SLC9A3: variants seen among roughly 807,000 people sequenced by gnomAD.
SLC9A3 encodes the protein solute carrier family 9 member A3.
In SLC9A3, 37 loss-of-function variants were observed where a neutral mutation model predicts 86.8. The ratio of observed to expected loss-of-function variants is 0.43; its 90% confidence interval spans 0.33 to 0.56. SLC9A3 has a LOEUF of 0.56. Ranked by LOEUF, SLC9A3 falls within the 20% of genes least tolerant of loss-of-function variation. The probability of loss-of-function intolerance (pLI) is 0.06; values close to 1 mark genes in which losing one functional copy is unlikely to be tolerated. For missense variants in SLC9A3, 1,011 were observed against 1,171.9 expected (o/e 0.86, Z 2.00); for synonymous variants, 581 against 528.3 (o/e 1.10, Z -1.37).
intron 1 of SLC9A3, among the ~76,000 whole-genome samples, chr5:504,243 C>T (rs1383964824): frequency 2.6e-5 from 4 of 152,154 alleles, no homozygotes; most frequent in African/African-American, 9.7e-5. Context: ...CTCCGGAACC[C>T]CCGGGAACCC....
At chr5:498,225 C>T (rs572844411) in intron 1 of SLC9A3, among the ~76,000 whole-genome samples, 1 of 152,314 alleles carries the variant, frequency 6.6e-6, no homozygotes, top group East Asian at 1.9e-4. Flanking sequence ...TGAACGTCCT[C>T]ACGATGAACG....
In SLC9A3 at chr5:473,369, G is replaced by A; in HGVS notation, c.*10C>T. ...ACGAGCGGCCGGTTAGCGGCGTGTC[G>A]GAGCCGGTGTCACCTGCGGGAGAGG... On this transcript the variant is annotated 3_prime_UTR_variant, in exon 17 of 17. Transcript: ENST00000264938. 1 of 1,418,092 alleles carries A rather than the reference G, an allele frequency of 7.1e-7. No individual in the cohort carries two copies. The highest frequency in any genetic ancestry group is 1.4e-5 in the South Asian group (1 of 69,436). 87.8% of individuals were successfully genotyped at this position (1,418,092 alleles called of 1,614,324 possible).
rs558562725 is a variant in SLC9A3 at position 476,334 on chromosome 5, G to C, written c.1935C>G (p.Asp645Glu). 3 of 1,613,910 alleles carry C rather than the reference G, an allele frequency of 1.9e-6. No homozygotes were observed. The South Asian group carries it at 3.3e-5, about 18-fold the overall frequency. Residue 645 changes from aspartate (D) to glutamate (E), a missense_variant, in exon 13 of 17, where the codon GAC becomes GAG. Asp to Glu is a conservative substitution (Grantham distance 45, BLOSUM62 2). Coordinates refer to ENST00000264938, the MANE Select transcript of SLC9A3 (RefSeq NM_004174.4). ...GGAAGATTTCCCGGTCCTGTTTCTC[G>C]TCCTCCGTGGGCGTGAGCTCGTGTC... ...YSRHELTPTE[D>E]EKQDREIFHR...
Position 475,627 on chromosome 5 carries a change from C to T in SLC9A3, c.2185G>A (p.Glu729Lys), listed in dbSNP as rs779653363. 1 of 1,552,206 alleles carries T rather than the reference C, an allele frequency of 6.4e-7. No homozygotes were observed. Among genetic ancestry groups the T allele is most frequent in the South Asian group, 1.2e-5 (1 of 84,108 alleles). Residue 729 changes from glutamate to lysine, a missense_variant, in exon 15 of 17, where the codon GAG becomes AAG. By Grantham distance (56) the Glu-to-Lys change is moderately conservative. Transcript: ENST00000264938. The part of the protein sequence containing the change: ...DTEEPPNYDE[E>K]MSGGIEFLAS... ...AGGAACTCGATCCCCCCACTCATCT[C>T]CTCATCATAGTTGGGGGGCTCCTCG...
At chr5:478,816 G>T in intron 10 of SLC9A3, 1 of 154,954 alleles carries the variant, frequency 6.5e-6, no homozygotes, top group Middle Eastern at 5.2e-4. Flanking sequence ...CTGTGGTTTG[G>T]GGGTTTGTGT....
In SLC9A3 at chr5:471,032, C is replaced by T. The variant is rs955497390; in HGVS notation, c.*2347G>A. ...CCACAGCCCCGGCGCGCTCCGTCAC[C>T]TGGTAGGGAGCAGCCTGGGCTGCCG... On this transcript the variant is annotated 3_prime_UTR_variant, in exon 17 of 17. Transcript: ENST00000264938. 11 of 152,506 alleles carry T rather than the reference C, an allele frequency of 7.2e-5. No individual in the cohort carries two copies. The highest frequency in any genetic ancestry group is 2.7e-4 in the African/African-American group (11 of 41,466). The allele number at this position is 152,506 out of a possible 1,614,324, so 9.4% of individuals were successfully genotyped here.
intron 3 of SLC9A3, among the ~76,000 whole-genome samples, chr5:485,473 C>T (rs893137641): frequency 2.6e-5 from 4 of 152,256 alleles, no homozygotes; most frequent in African/African-American, 7.2e-5. Flanking sequence ...AAGCTGGCCT[C>T]TTCCTATCCT....
chr5:472,043 C>G lies in SLC9A3; in HGVS notation c.*1336G>C, dbSNP rs1738385010. ...TAGAAAAGCCCCTAGGAGTGTCCAC[C>G]TCCACCACTTCCACCGTGCAGGCAG... is the stretch of plus-strand genomic sequence containing the variant. On this transcript the variant is annotated 3_prime_UTR_variant, in exon 17 of 17. Transcript: ENST00000264938. 2.2e-6 allele frequency: 1 copy of G among 455,288 alleles called. No individual in the cohort carries two copies. The allele number at this position is 455,288 out of a possible 1,614,324, so 28.2% of individuals were successfully genotyped here.
intron 3 of SLC9A3, among the ~76,000 whole-genome samples, chr5:486,781 C>T (rs1392320536): frequency 1.3e-5 from 2 of 152,204 alleles, no homozygotes; most frequent in African/African-American, 2.4e-5. Flanking sequence ...CACGCAGGGA[C>T]GGCCACGTGA....
chr5:502,539 G>A (rs941174307), intron 1 of SLC9A3, among the ~76,000 whole-genome samples: 3 of 152,248 alleles, frequency 2.0e-5, no homozygotes, highest in African/African-American at 7.2e-5. Flanking sequence ...CACGAGACAC[G>A]TGAAGTGGGA....
At chr5:483,213 G>A (rs781285449) in intron 6 of SLC9A3, 49 bp downstream of exon 6, 142 of 1,386,358 alleles carry the variant, frequency 1.0e-4, no homozygotes, top group Admixed American at 1.5e-4. Context: ...TCCCGGAGAC[G>A]GTGCCGGCCC....
intron 1 of SLC9A3, among the ~76,000 whole-genome samples, chr5:513,953 T>C (rs2126653580): frequency 1.3e-5 from 2 of 152,320 alleles, no homozygotes; most frequent in South Asian, 4.1e-4. Flanking sequence ...GAGCTTCTCC[T>C]GGGAGCAGCA....
At chr5:505,073 A>G (rs540847389) in intron 1 of SLC9A3, among the ~76,000 whole-genome samples, 186 of 151,590 alleles carry the variant, frequency 1.2e-3, no homozygotes, top group Middle Eastern at 3.4e-3. Context: ...CCCCTTTAAC[A>G]GAATGAGGGG....
In SLC9A3 at chr5:473,170, C is replaced by CCCCCGGCGCAGGCCCCG; in HGVS notation, c.*208_*209insCGGGGCCTGCGCCGGGG. ...GGCCCCGCCCCCGGCGCAGGCCCCG[C>CCCCCGGCGCAGGCCCCG]CCCCGGCTCGCCCTCGGGCGGCTCT... is the stretch of plus-strand genomic sequence containing the variant. On this transcript the variant is annotated 3_prime_UTR_variant, in exon 17 of 17. Coordinates refer to ENST00000264938, the MANE Select transcript of SLC9A3 (RefSeq NM_004174.4). 1.1e-5 allele frequency: 5 copies of CCCCCGGCGCAGGCCCCG among 454,496 alleles called. No homozygotes were observed. Among genetic ancestry groups the CCCCCGGCGCAGGCCCCG allele is most frequent in the African/African-American group, 2.1e-5 (1 of 48,550 alleles). The allele number at this position is 454,496 out of a possible 1,614,324, so 28.2% of individuals were successfully genotyped here.
chr5:480,108 G>A, intron 9 of SLC9A3, 143 bp from the exon 10 acceptor site: 1 of 859,702 alleles, frequency 1.2e-6, no homozygotes, highest in Non-Finnish European at 1.8e-6. Flanking sequence ...AGCAGCCCCT[G>A]CCACACGCCC....
At chr5:506,664 G>A (rs2126645763) in intron 1 of SLC9A3, among the ~76,000 whole-genome samples, 1 of 152,334 alleles carries the variant, frequency 6.6e-6, no homozygotes, top group East Asian at 1.9e-4. Flanking sequence ...CGACTTTTCT[G>A]GGCAGTTGTA....
At chr5:512,915 G>A (rs911766623) in intron 1 of SLC9A3, among the ~76,000 whole-genome samples, 4 of 152,160 alleles carry the variant, frequency 2.6e-5, no homozygotes, top group African/African-American at 9.7e-5. Context: ...ACTCCACGGT[G>A]CTGACACTAC....
At position 471,408 on chromosome 5, in the gene SLC9A3, T is replaced by C; in HGVS notation, c.*1971A>G. 3.2e-6 allele frequency: 1 copy of C among 313,746 alleles called. No individual in the cohort carries two copies. The highest frequency in any genetic ancestry group is 6.2e-6 in the Non-Finnish European group (1 of 160,008). 19.4% of individuals were successfully genotyped at this position (313,746 alleles called of 1,614,324 possible). On this transcript the variant is annotated 3_prime_UTR_variant, in exon 17 of 17. Coordinates refer to ENST00000264938, the MANE Select transcript of SLC9A3 (RefSeq NM_004174.4). The stretch of plus-strand genomic sequence containing the variant: ...GCGGTGGACCGCACGACGCTCCTGC[T>C]CTGTTCTCCCAGGCACAGACAGGCA...
At chr5:502,892 A>ACT (rs1740363287) in intron 1 of SLC9A3, among the ~76,000 whole-genome samples, 4 of 131,856 alleles carry the variant, frequency 3.0e-5, no homozygotes, top group Admixed American at 7.6e-5. Flanking sequence ...ACTCACTACC[A>ACT]GTGAGGCCGA....
Sources: gnomAD v4.1 joint callset for allele counts (sites outside exome capture counted in the v4.1 genomes callset) on GRCh38, gnomAD v4.1.1 for gene constraint, MANE v1.5 for transcripts, NCBI Gene and HGNC (gene_info 2026-07-23, HGNC 2026-07-21) for gene names.